Variants in HSD17B11 observed in about 807,000 individuals in gnomAD.
HSD17B11 encodes the protein estradiol 17-beta-dehydrogenase 11.
Under a neutral mutation model 27.8 loss-of-function variants are expected in HSD17B11, and 22 were observed. The ratio of observed to expected loss-of-function variants is 0.79; its 90% CI spans 0.56 to 1.13. The LOEUF is 1.13. Among genes scored for constraint, HSD17B11 ranks in the 50% most tolerant of loss-of-function variants. The probability of loss-of-function intolerance (pLI) is 0.00; values close to 1 mark genes in which losing one functional copy is unlikely to be tolerated. For missense variants in HSD17B11, 314 were observed against 351.1 expected, an observed-to-expected ratio of 0.89 and a Z score of 0.84; for synonymous variants, 117 against 132.8, an observed-to-expected ratio of 0.88 and a Z score of 0.82.
chr4:87,367,102 T>C (rs1202288128), intron 4 of HSD17B11, among the ~76,000 whole-genome samples: 1 of 152,238 alleles, frequency 6.6e-6, no homozygotes, highest in East Asian at 1.9e-4. Context: ...ATTGTAAGTA[T>C]TCTTAACTTA....
At chr4:87,374,486 A>G (rs543330613) in intron 3 of HSD17B11, 2 of 369,694 alleles carry the variant, frequency 5.4e-6, no homozygotes, top group Non-Finnish European at 9.7e-6. Context: ...GACATTTATT[A>G]TTAATTTATT....
intron 4 of HSD17B11, among the ~76,000 whole-genome samples, chr4:87,361,332 T>C (rs1032939424): frequency 3.9e-5 from 6 of 152,258 alleles, no homozygotes; most frequent in Non-Finnish European, 7.4e-5. Context: ...TTACCCTACA[T>C]GGTCTAAAAA....
At chr4:87,356,022 T>A (rs890095260) in intron 5 of HSD17B11, among the ~76,000 whole-genome samples, 1 of 152,090 alleles carries the variant, frequency 6.6e-6, no homozygotes, top group African/African-American at 2.4e-5. Context: ...TGTCCAAAAA[T>A]CATATGCGAA....
rs867661793 is a variant in HSD17B11, at chr4:87,378,917, T to A, written c.318+3338A>T. Among the ~76,000 whole-genome samples the A allele has an allele frequency of 3.6e-4, 5 of 14,028 alleles. 1 individual carries two copies. The highest frequency in any genetic ancestry group is 3.4e-3 in the South Asian group (3 of 894). 9.2% of individuals were successfully genotyped at this position (14,028 alleles called of 152,430 possible). On this transcript the variant is annotated intron_variant, in intron 2 of 6. Transcript: ENST00000358290. ...ATAAATATATATAAATATATATATA[T>A]AAATATATATAAATATATATATATA...
chr4:87,390,279 C>A (rs1311881411), intron 1 of HSD17B11, among the ~76,000 whole-genome samples: 1 of 152,188 alleles, frequency 6.6e-6, no homozygotes, highest in Non-Finnish European at 1.5e-5. Flanking sequence ...GCCTCAGCCT[C>A]CCCAATAGCT....
At chr4:87,390,040 G>A (rs1365798693) in intron 1 of HSD17B11, among the ~76,000 whole-genome samples, 5 of 152,020 alleles carry the variant, frequency 3.3e-5, no homozygotes, top group Non-Finnish European at 7.4e-5. Flanking sequence ...GCTCACTGCA[G>A]TCTCCACCTC....
chr4:87,355,078 G>A (rs1289575230), intron 5 of HSD17B11, among the ~76,000 whole-genome samples: 1 of 151,872 alleles, frequency 6.6e-6, no homozygotes, highest in Non-Finnish European at 1.5e-5. Context: ...TCACACCACT[G>A]CACTTCAGCC....
intron 2 of HSD17B11, among the ~76,000 whole-genome samples, chr4:87,378,944 A>ATT (rs1720045837): frequency 5.2e-5 from 1 of 19,382 alleles, no homozygotes; most frequent in South Asian, 1.1e-3. Flanking sequence ...ATATATATAT[A>ATT]TATTTATATA....
intron 1 of HSD17B11, chr4:87,387,264 C>A (rs1401743740): frequency 6.6e-6 from 1 of 152,204 alleles, no homozygotes; most frequent in Non-Finnish European, 1.5e-5. Context: ...CATTATCAGG[C>A]TTAGTGGAAC....
At chr4:87,358,047 C>T (rs1266065615) in intron 4 of HSD17B11, among the ~76,000 whole-genome samples, 4 of 145,340 alleles carry the variant, frequency 2.8e-5, no homozygotes, top group Non-Finnish European at 6.0e-5. Context: ...CTGCAAGCTC[C>T]GCCTCCCGGG....
chr4:87,388,703 C>G (rs1192974650), intron 1 of HSD17B11, among the ~76,000 whole-genome samples: 1 of 152,178 alleles, frequency 6.6e-6, no homozygotes, highest in Non-Finnish European at 1.5e-5. Flanking sequence ...GCATACTGCC[C>G]CTAGCTCATG....
chr4:87,337,283 G>A lies in HSD17B11; in HGVS notation c.896C>T (p.Ala299Val), dbSNP rs562443434. 2.2e-5 allele frequency: 35 copies of A among 1,591,888 alleles called. No individual in the cohort carries two copies. Among genetic ancestry groups the A allele is most frequent in the East Asian group, 6.7e-5 (3 of 44,500 alleles). Residue 299 changes from alanine (A) to valine (V), a missense_variant, in exon 7 of 7, where the codon GCG becomes GTG. Coordinates refer to ENST00000358290, the MANE Select transcript of HSD17B11 (RefSeq NM_016245.5). ...TTTCAGAAAACTAGGTGCTTATTGC[G>A]CTTTCATTTTATATCCAATAACTGC... Reference protein sequence around the residue: ...FDAVIGYKMKAQ With the variant: ...FDAVIGYKMKVQ
chr4:87,341,367 T>C (rs1560757423), intron 5 of HSD17B11, among the ~76,000 whole-genome samples: 1 of 152,148 alleles, frequency 6.6e-6, no homozygotes, highest in Non-Finnish European at 1.5e-5. Context: ...AGATAGGGTT[T>C]CACCATATTG....
At chr4:87,353,952 C>T (rs1735332993) in intron 5 of HSD17B11, among the ~76,000 whole-genome samples, 1 of 152,152 alleles carries the variant, frequency 6.6e-6, no homozygotes, top group Non-Finnish European at 1.5e-5. Context: ...AGATCCATTT[C>T]CCAACCTGAA....
At chr4:87,341,187 T>C (rs1055611712) in intron 5 of HSD17B11, among the ~76,000 whole-genome samples, 6 of 152,118 alleles carry the variant, frequency 3.9e-5, no homozygotes, top group Non-Finnish European at 5.9e-5. Flanking sequence ...TGTTTGTTTT[T>C]TTGAGGCAGG....
chr4:87,381,237 G>C (rs1256816276), intron 2 of HSD17B11, among the ~76,000 whole-genome samples: 1 of 141,936 alleles, frequency 7.0e-6, no homozygotes. Context: ...CATAAACAAA[G>C]AGGTTCTCAA....
chr4:87,379,299 T>C (rs910578880), intron 2 of HSD17B11, among the ~76,000 whole-genome samples: 6 of 150,850 alleles, frequency 4.0e-5, no homozygotes, highest in African/African-American at 1.5e-4. Context: ...CTCCAGCAGA[T>C]ATATTTCTAT....
At chr4:87,388,379 G>T (rs948344022) in intron 1 of HSD17B11, among the ~76,000 whole-genome samples, 8 of 152,198 alleles carry the variant, frequency 5.3e-5, no homozygotes, top group African/African-American at 1.9e-4. Flanking sequence ...AGCCACAAGA[G>T]GCTAGGGGCT....
At chr4:87,377,573 C>A (rs909414210) in intron 2 of HSD17B11, among the ~76,000 whole-genome samples, 41 of 152,116 alleles carry the variant, frequency 2.7e-4, no homozygotes, top group Non-Finnish European at 1.5e-5. Context: ...TAAGAAAGAT[C>A]ATAGAATCTT....
Sources: gnomAD v4.1 joint callset for allele counts (sites outside exome capture counted in the v4.1 genomes callset) on GRCh38, gnomAD v4.1.1 for gene constraint, MANE v1.5 for transcripts, NCBI Gene and HGNC (gene_info 2026-07-23, HGNC 2026-07-21) for gene names.